Variants in SKAP1 observed in about 807,000 individuals in gnomAD.
SKAP1 encodes src kinase associated phosphoprotein 1.
In SKAP1, 44 loss-of-function variants were observed where a neutral mutation model predicts 58.5. The observed-to-expected ratio is 0.75, with a 90% CI of 0.59 to 0.97. The LOEUF (loss-of-function observed/expected upper bound fraction) is 0.97, where lower values mean the gene tolerates loss of function less well. SKAP1 is among the 50% of genes least tolerant of loss of function. SKAP1 has a pLI of 0.00. For synonymous variants in SKAP1, 127 were observed against 149.7 expected, an observed-to-expected ratio of 0.85 and a Z score of 1.11; for missense variants, 390 against 435.2, an observed-to-expected ratio of 0.90 and a Z score of 0.92.
chr17:48,358,871 G>C (rs1396935320), intron 3 of SKAP1, among the ~76,000 whole-genome samples: 1 of 152,032 alleles, frequency 6.6e-6, no homozygotes, highest in Non-Finnish European at 1.5e-5. Context: ...CTGAAGCTTC[G>C]AGAATTGATG....
At chr17:48,270,660 T>C (rs1391580812) in intron 4 of SKAP1, among the ~76,000 whole-genome samples, 1 of 152,090 alleles carries the variant, frequency 6.6e-6, no homozygotes. Flanking sequence ...ATTTTTTATC[T>C]TTTTAAGGCT....
At chr17:48,257,628 C>CTTTTTTT (rs56225931) in intron 4 of SKAP1, among the ~76,000 whole-genome samples, 373 of 110,958 alleles carry the variant, frequency 3.4e-3, no homozygotes, top group East Asian at 4.8e-3. Context: ...TTCTTTCTTT[C>CTTTTTTT]TTTTTTTTTT....
chr17:48,222,175 A>G lies in SKAP1; in HGVS notation c.281-32675T>C, dbSNP rs191597422. On this transcript the variant is annotated intron_variant, in intron 4 of 12. Transcript: ENST00000336915. ...AAGTAGAGGGAACCACAAAGAGCCT[A>G]AGCGTAGGGAGCTGAGGTAAAAAGA... Among the ~76,000 whole-genome samples the G allele has an allele frequency of 8.9e-4, 135 of 152,326 alleles. No individual in the cohort carries two copies. The East Asian group carries it at 0.014, about 16-fold the overall frequency.
At position 48,180,191 on chromosome 17, in the gene SKAP1, T is replaced by C; in HGVS notation, c.689A>G (p.Glu230Gly). The change falls in exon 9 of 13, where the codon GAG becomes GGG. Residue 230 changes from glutamate (E) to glycine (G), a missense_variant. Glu to Gly is a moderately conservative substitution (Grantham distance 98). Coordinates refer to ENST00000336915, the MANE Select transcript of SKAP1 (RefSeq NM_003726.4). ...EEDEEEEEKE[E>G]TYDDIDGFDS... ...AAAACCATCAATATCATCATATGTCTCTTCTTTTTCTTCTTCCTCCTCATC... is the reference window on the plus strand; with the variant it reads ...AAAACCATCAATATCATCATATGTCCCTTCTTTTTCTTCTTCCTCCTCATC... 2 of 1,612,228 alleles carry C rather than the reference T, an allele frequency of 1.2e-6. No homozygotes were observed. The highest frequency in any genetic ancestry group is 1.7e-6 in the Non-Finnish European group (2 of 1,179,012).
At chr17:48,234,850 G>A (rs145446208) in intron 4 of SKAP1, among the ~76,000 whole-genome samples, 484 of 152,274 alleles carry the variant, frequency 3.2e-3, no homozygotes, top group Non-Finnish European at 5.0e-3. Context: ...GCAGAACAAG[G>A]ATGAGTTTTG....
At chr17:48,353,938 G>GAAGAA (rs2066840179) in intron 3 of SKAP1, among the ~76,000 whole-genome samples, 1 of 144,734 alleles carries the variant, frequency 6.9e-6, no homozygotes. Flanking sequence ...AAGAAGAAGA[G>GAAGAA]GAAGAAGAAG....
chr17:48,260,822 C>T (rs2065476632), intron 4 of SKAP1, among the ~76,000 whole-genome samples: 1 of 151,880 alleles, frequency 6.6e-6, no homozygotes, highest in Non-Finnish European at 1.5e-5. Context: ...ATTGGTTAAC[C>T]ACACACACAC....
chr17:48,200,385 T>TC (rs1238278601), intron 4 of SKAP1, among the ~76,000 whole-genome samples: 7 of 151,836 alleles, frequency 4.6e-5, no homozygotes, highest in East Asian at 3.9e-4. Flanking sequence ...TTTCTTTCTT[T>TC]TTTTTTTTGA....
At chr17:48,250,776 A>G (rs923870140) in intron 4 of SKAP1, among the ~76,000 whole-genome samples, 1 of 152,080 alleles carries the variant, frequency 6.6e-6, no homozygotes, top group African/African-American at 2.4e-5. Flanking sequence ...ATATTTCCAC[A>G]CCTGCAGATA....
chr17:48,368,103 C>T (rs1244984627), intron 2 of SKAP1, among the ~76,000 whole-genome samples: 1 of 152,090 alleles, frequency 6.6e-6, no homozygotes, highest in East Asian at 1.9e-4. Flanking sequence ...TTTAAAAAAG[C>T]CACACCTCTA....
At chr17:48,143,062 C>T (rs2063787958) in intron 11 of SKAP1, among the ~76,000 whole-genome samples, 1 of 151,144 alleles carries the variant, frequency 6.6e-6, no homozygotes, top group South Asian at 2.1e-4. Context: ...AGCAATCCTC[C>T]TGCTTGTTGG....
chr17:48,306,126 T>C (rs983720715), intron 4 of SKAP1, among the ~76,000 whole-genome samples: 2 of 152,208 alleles, frequency 1.3e-5, no homozygotes, highest in African/African-American at 4.8e-5. Flanking sequence ...ACAAATGTGT[T>C]AAAAATTTTT....
At chr17:48,175,251 T>TC in intron 9 of SKAP1, among the ~76,000 whole-genome samples, 1 of 152,104 alleles carries the variant, frequency 6.6e-6, no homozygotes, top group Non-Finnish European at 1.5e-5. Context: ...ATCAGTTACT[T>TC]CCCCAAATAA....
chr17:48,325,227 C>T (rs143812821), intron 4 of SKAP1, among the ~76,000 whole-genome samples: 35 of 123,688 alleles, frequency 2.8e-4, no homozygotes, highest in African/African-American at 1.1e-3. Context: ...GCAGCCTGGG[C>T]GACAGAGTGA....
At chr17:48,170,806 G>A (rs1236990248) in intron 9 of SKAP1, 147 bp from the exon 10 acceptor site, 7 of 691,742 alleles carry the variant, frequency 1.0e-5, no homozygotes, top group Non-Finnish European at 1.7e-5. Flanking sequence ...CACGTCTGGG[G>A]TTCAAGGGAT....
chr17:48,357,927 TTGA>T (rs1262394550), intron 3 of SKAP1, among the ~76,000 whole-genome samples: 1 of 152,238 alleles, frequency 6.6e-6, no homozygotes, highest in East Asian at 1.9e-4. Flanking sequence ...GTCAAGACTG[TTGA>T]TGTTAAAAGG....
At chr17:48,182,333 A>G in intron 8 of SKAP1, 61 bp downstream of exon 8, 2 of 1,211,166 alleles carry the variant, frequency 1.7e-6, no homozygotes, top group Non-Finnish European at 2.4e-6. Flanking sequence ...GATTATATTT[A>G]TGCAACATAA....
chr17:48,266,655 C>T (rs147813436), intron 4 of SKAP1, among the ~76,000 whole-genome samples: 12,590 of 151,502 alleles, frequency 0.083, 685 homozygotes, highest in East Asian at 0.2. Context: ...GGACTACAGG[C>T]GCCTGCCACA....
At chr17:48,180,948 G>T (rs1443003908) in intron 8 of SKAP1, among the ~76,000 whole-genome samples, 1 of 152,132 alleles carries the variant, frequency 6.6e-6, no homozygotes, top group Non-Finnish European at 1.5e-5. Context: ...CAGGGCAGGG[G>T]AGGGAGATTG....
Sources: gnomAD v4.1 joint callset for allele counts (sites outside exome capture counted in the v4.1 genomes callset) on GRCh38, gnomAD v4.1.1 for gene constraint, MANE v1.5 for transcripts, NCBI Gene and HGNC (gene_info 2026-07-23, HGNC 2026-07-21) for gene names.